Variants in HIRA observed in about 807,000 individuals in gnomAD.
The protein encoded by HIRA is protein HIRA.
A neutral mutation model predicts 126.6 loss-of-function variants in HIRA; 13 were observed. The observed-to-expected ratio is 0.10, with a 90% confidence interval of 0.07 to 0.16. The LOEUF is 0.16. Ranked by LOEUF, HIRA falls within the 10% of genes least tolerant of loss-of-function variation. The probability of loss-of-function intolerance (pLI) is 1.00; values close to 1 mark genes in which losing one functional copy is unlikely to be tolerated. For missense variants in HIRA, 834 were observed against 1,314.4 expected, an observed-to-expected ratio of 0.63 and a Z score of 5.65; for synonymous variants, 511 against 520.0, an observed-to-expected ratio of 0.98 and a Z score of 0.24.
At chr22:19,383,417 A>C (rs1225627428) in intron 13 of HIRA, among the ~76,000 whole-genome samples, 1 of 152,142 alleles carries the variant, frequency 6.6e-6, no homozygotes, top group African/African-American at 2.4e-5. Context: ...CCCACCCCTC[A>C]CATGATTCAG....
chr22:19,406,442 T>C (rs2089308569), intron 4 of HIRA, among the ~76,000 whole-genome samples: 2 of 152,206 alleles, frequency 1.3e-5, no homozygotes, highest in South Asian at 4.1e-4. Context: ...GATCTATAGG[T>C]ACTAGCCCCC....
intron 1 of HIRA, among the ~76,000 whole-genome samples, chr22:19,418,737 C>T (rs1284775408): frequency 1.3e-5 from 2 of 152,164 alleles, no homozygotes; most frequent in African/African-American, 4.8e-5. Context: ...TAGAACTAAA[C>T]ATACACACGC....
In HIRA at chr22:19,331,542, C is replaced by T; in HGVS notation, c.2952G>A (p.Arg984=). Residue 984 remains arginine (R), a synonymous_variant, in exon 25 of 25, where the codon AGG becomes AGA. Coordinates refer to ENST00000263208, the MANE Select transcript of HIRA (RefSeq NM_003325.4). ...CTGGTAGCAGCTCCTTCAGCAGCTCCCTCTTCCGCAGACCCTGTGGACACA... is the reference window on the plus strand; with the variant it reads ...CTGGTAGCAGCTCCTTCAGCAGCTCTCTCTTCCGCAGACCCTGTGGACACA... ...WESTVVGLRK[R]ELLKELLPVI... 1 of 1,604,044 alleles carries T rather than the reference C, an allele frequency of 6.2e-7. No individual in the cohort carries two copies. Among genetic ancestry groups the T allele is most frequent in the South Asian group, 1.1e-5 (1 of 89,692 alleles).
chr22:19,350,168 C>T (rs1206458817), intron 24 of HIRA, among the ~76,000 whole-genome samples: 2 of 150,174 alleles, frequency 1.3e-5, no homozygotes, highest in Non-Finnish European at 3.0e-5. Context: ...GCATCCATCA[C>T]CACTCAAGAC....
intron 15 of HIRA, among the ~76,000 whole-genome samples, chr22:19,375,151 C>T (rs1202143951): frequency 6.6e-6 from 1 of 152,176 alleles, no homozygotes; most frequent in Non-Finnish European, 1.5e-5. Flanking sequence ...GCATAGTGTC[C>T]ACAAGAGCTC....
chr22:19,349,518 T>C (rs1236505263), intron 24 of HIRA, among the ~76,000 whole-genome samples: 1 of 152,206 alleles, frequency 6.6e-6, no homozygotes, highest in East Asian at 1.9e-4. Context: ...TGTCTCTGTT[T>C]CTACAGAATG....
At chr22:19,425,871 C>G (rs5748200) in intron 1 of HIRA, among the ~76,000 whole-genome samples, 1 of 151,996 alleles carries the variant, frequency 6.6e-6, no homozygotes, top group South Asian at 2.1e-4. Flanking sequence ...ATTAGCCAGG[C>G]GTGGTGGCAT....
At chr22:19,414,370 G>A (rs1258186449) in intron 1 of HIRA, among the ~76,000 whole-genome samples, 1 of 152,170 alleles carries the variant, frequency 6.6e-6, no homozygotes, top group Non-Finnish European at 1.5e-5. Context: ...CTAAACATGG[G>A]AACTTAAACT....
In HIRA at chr22:19,385,592, T is replaced by C; in HGVS notation, c.1258A>G (p.Thr420Ala). 1 of 1,614,178 alleles carries C rather than the reference T, an allele frequency of 6.2e-7. No individual in the cohort carries two copies. Among genetic ancestry groups the C allele is most frequent in the Non-Finnish European group, 8.5e-7 (1 of 1,180,040 alleles). ...QQQLDQKSAA[T>A]REMGSATSVA... The stretch of plus-strand genomic sequence containing the variant: ...GAGGTGGCTGAGCCCATCTCCCTGG[T>C]CGCAGCACTCTTCTGGTCCAGCTGC... Residue 420 changes from threonine to alanine, a missense_variant, in exon 12 of 25, where the codon ACC becomes GCC. Thr to Ala is a moderately conservative substitution (Grantham distance 58, BLOSUM62 0). This residue lies in a region of HIRA where 153 missense variants were observed against 270.6 expected (regional missense o/e 0.57). Transcript: ENST00000263208.
At chr22:19,404,771 T>C (rs961123919) in intron 5 of HIRA, among the ~76,000 whole-genome samples, 1 of 152,180 alleles carries the variant, frequency 6.6e-6, no homozygotes, top group Non-Finnish European at 1.5e-5. Flanking sequence ...ATAAGCCTGT[T>C]GTCCTTAGGG....
intron 13 of HIRA, among the ~76,000 whole-genome samples, chr22:19,380,530 T>A (rs1274266965): frequency 6.6e-6 from 1 of 152,266 alleles, no homozygotes; most frequent in Non-Finnish European, 1.5e-5. Flanking sequence ...TCTTAATTTC[T>A]GGTGGGGCTA....
At chr22:19,383,239 A>G (rs972600139) in intron 13 of HIRA, among the ~76,000 whole-genome samples, 1 of 152,022 alleles carries the variant, frequency 6.6e-6, no homozygotes, top group South Asian at 2.1e-4. Context: ...GGCTTTTACT[A>G]TTTTCTAAAT....
intron 18 of HIRA, among the ~76,000 whole-genome samples, chr22:19,358,683 T>C (rs2088836100): frequency 1.3e-5 from 2 of 152,118 alleles, no homozygotes; most frequent in Admixed American, 6.6e-5. Context: ...GTAAAAGCAT[T>C]TACATGGGAC....
chr22:19,395,059 G>C (rs2089211923), intron 7 of HIRA, among the ~76,000 whole-genome samples: 1 of 152,224 alleles, frequency 6.6e-6, no homozygotes, highest in Non-Finnish European at 1.5e-5. Flanking sequence ...GAAGAGGTTT[G>C]TAACATCCTT....
At chr22:19,359,226 G>A in intron 18 of HIRA, 110 bp downstream of exon 18, 1 of 1,182,678 alleles carries the variant, frequency 8.5e-7, no homozygotes, top group East Asian at 2.9e-5. Flanking sequence ...GAGTCTCTGT[G>A]GGAGCTGGTG....
At chr22:19,393,707 G>T (rs1601841526) in intron 8 of HIRA, among the ~76,000 whole-genome samples, 1 of 152,192 alleles carries the variant, frequency 6.6e-6, no homozygotes, top group East Asian at 1.9e-4. Flanking sequence ...TTTTCATCAG[G>T]GTCTTGGATG....
At chr22:19,393,988 G>A (rs2146227609) in intron 8 of HIRA, among the ~76,000 whole-genome samples, 1 of 152,288 alleles carries the variant, frequency 6.6e-6, no homozygotes, top group Admixed American at 6.5e-5. Context: ...AGTGATCCAT[G>A]GCATGGCCTT....
At chr22:19,399,167 C>T in intron 5 of HIRA, 1 of 985,354 alleles carries the variant, frequency 1.0e-6, no homozygotes, top group Non-Finnish European at 1.2e-6. Flanking sequence ...TTAGTTATTT[C>T]TCTAACCTCA....
chr22:19,337,207 C>T (rs1373334465), intron 24 of HIRA, among the ~76,000 whole-genome samples: 1 of 151,346 alleles, frequency 6.6e-6, no homozygotes, highest in Admixed American at 6.6e-5. Context: ...TTAAGCTACT[C>T]AAGGAGATAC....
Sources: allele counts gnomAD v4.1 joint callset (sites outside exome capture counted in the v4.1 genomes callset), GRCh38; gene constraint gnomAD v4.1.1; regional missense constraint gnomAD v4.1.1; transcripts MANE v1.5; gene names NCBI Gene and HGNC (gene_info 2026-07-23, HGNC 2026-07-21).